CSMD3: variants seen among roughly 807,000 people sequenced by gnomAD.
CSMD3 encodes CUB and sushi domain-containing protein 3.
CSMD3 carries 177 observed loss-of-function variants against 435.2 expected under a neutral mutation model. The ratio of observed to expected loss-of-function variants is 0.41; its 90% confidence interval spans 0.36 to 0.46. The LOEUF is 0.46. CSMD3 is among the 20% of genes least tolerant of loss of function. The pLI is 0.34. For synonymous variants in CSMD3, 1,656 were observed against 1,520.5 expected (o/e 1.09, Z -2.07); for missense variants, 4,265 against 4,504.6 (o/e 0.95, Z 1.52).
intron 3 of CSMD3, among the ~76,000 whole-genome samples, chr8:113,200,494 C>A (rs2092705604): frequency 6.6e-6 from 1 of 151,698 alleles, no homozygotes; most frequent in South Asian, 2.1e-4. Flanking sequence ...CATCCATGTC[C>A]TAAAATGTCT....
At chr8:112,283,365 C>T (rs954671123) in intron 58 of CSMD3, among the ~76,000 whole-genome samples, 1 of 151,142 alleles carries the variant, frequency 6.6e-6, no homozygotes. Flanking sequence ...CATTTGTTTC[C>T]TTGTATCAAA....
chr8:113,201,669 C>A (rs1225550672), intron 3 of CSMD3, among the ~76,000 whole-genome samples: 1 of 151,906 alleles, frequency 6.6e-6, no homozygotes, highest in African/African-American at 2.4e-5. Flanking sequence ...GCTATTACTA[C>A]AACCAGAGCA....
At chr8:112,287,602 T>TA (rs1338537341) in intron 57 of CSMD3, among the ~76,000 whole-genome samples, 3 of 151,924 alleles carry the variant, frequency 2.0e-5, no homozygotes, top group Admixed American at 6.6e-5. Flanking sequence ...AACCAAAATT[T>TA]AAAAAAAACT....
chr8:112,593,791 A>C (rs924787470), intron 22 of CSMD3, among the ~76,000 whole-genome samples: 5 of 152,186 alleles, frequency 3.3e-5, no homozygotes, highest in African/African-American at 1.2e-4. Context: ...AGTTCAATTA[A>C]AATGAATACT....
At chr8:112,292,515 G>A in intron 55 of CSMD3, 22 bp downstream of exon 55, 1 of 1,609,906 alleles carries the variant, frequency 6.2e-7, no homozygotes, top group Non-Finnish European at 8.5e-7. Flanking sequence ...GCCACCAAAT[G>A]GGAATATACT....
At chr8:112,405,213 CCAT>C (rs1176939517) in intron 35 of CSMD3, among the ~76,000 whole-genome samples, 1,107 of 17,862 alleles carry the variant, frequency 0.062, 106 homozygotes, top group Non-Finnish European at 0.08. Flanking sequence ...AAAAAAACCC[CCAT>C]ATATATATAT....
At chr8:112,963,984 C>T (rs547457987) in intron 7 of CSMD3, among the ~76,000 whole-genome samples, 8 of 151,848 alleles carry the variant, frequency 5.3e-5, no homozygotes, top group African/African-American at 1.9e-4. Context: ...TTTTATATAA[C>T]CAGAGTATAT....
chr8:113,211,929 A>T (rs1300542137), intron 3 of CSMD3, among the ~76,000 whole-genome samples: 1 of 152,154 alleles, frequency 6.6e-6, no homozygotes, highest in Non-Finnish European at 1.5e-5. Context: ...TGTATGAAAA[A>T]AGAAGATTTA....
intron 5 of CSMD3, among the ~76,000 whole-genome samples, chr8:113,051,448 T>C (rs1165129829): frequency 6.6e-6 from 1 of 152,168 alleles, no homozygotes; most frequent in African/African-American, 2.4e-5. Flanking sequence ...AAACTACAGA[T>C]TTTTATGTTT....
intron 23 of CSMD3, among the ~76,000 whole-genome samples, chr8:112,586,131 C>A (rs2131348443): frequency 6.6e-6 from 1 of 151,484 alleles, no homozygotes; most frequent in African/African-American, 2.4e-5. Context: ...CATCAATTAC[C>A]ATGAAATAAT....
chr8:113,061,942 C>T (rs2088632973), intron 5 of CSMD3, among the ~76,000 whole-genome samples: 2 of 151,686 alleles, frequency 1.3e-5, no homozygotes, highest in Admixed American at 1.3e-4. Flanking sequence ...GTACATAATT[C>T]ATGATACATA....
chr8:112,777,444 G>A (rs1447745686), intron 13 of CSMD3, among the ~76,000 whole-genome samples: 1 of 151,696 alleles, frequency 6.6e-6, no homozygotes, highest in Non-Finnish European at 1.5e-5. Context: ...ATAAGTATTA[G>A]TTGTTGATGA....
intron 12 of CSMD3, 89 bp downstream of exon 12, chr8:112,829,596 TG>T: frequency 1.3e-6 from 1 of 757,254 alleles, no homozygotes; most frequent in Non-Finnish European, 2.4e-6. Flanking sequence ...CTGGTAGTAG[TG>T]GGAGCGATCA....
At chr8:112,605,899 TCTGTCAATC>T (rs1832755376) in intron 22 of CSMD3, among the ~76,000 whole-genome samples, 1 of 152,170 alleles carries the variant, frequency 6.6e-6, no homozygotes, top group South Asian at 2.1e-4. Context: ...TCTAGCATAA[TCTGTCAATC>T]CTGCCCTTCA....
At chr8:113,038,448 T>C (rs966433679) in intron 5 of CSMD3, among the ~76,000 whole-genome samples, 2 of 152,184 alleles carry the variant, frequency 1.3e-5, no homozygotes, top group African/African-American at 2.4e-5. Context: ...AGCTTTTTCA[T>C]GCTAGTGAGG....
chr8:113,430,078 A>T (rs2094661988), intron 1 of CSMD3, among the ~76,000 whole-genome samples: 1 of 152,144 alleles, frequency 6.6e-6, no homozygotes, highest in African/African-American at 2.4e-5. Flanking sequence ...TATAGCCAGC[A>T]CCAGAAGTGA....
chr8:113,066,211 T>G (rs897171118), intron 5 of CSMD3, among the ~76,000 whole-genome samples: 11 of 151,796 alleles, frequency 7.2e-5, no homozygotes, highest in Non-Finnish European at 1.5e-5. Context: ...ATTAGTAGGT[T>G]AATTATTAAT....
At chr8:112,829,844 A>G (rs975926285) in intron 11 of CSMD3, 55 bp from the exon 12 acceptor site, 2 of 947,094 alleles carry the variant, frequency 2.1e-6, no homozygotes, top group Non-Finnish European at 3.5e-6. Flanking sequence ...CAATAAAAAC[A>G]ACAAAAAAAG....
In CSMD3 at chr8:113,404,867, C is replaced by A. The variant is rs1445082006; in HGVS notation, c.178+31810G>T. 5.9e-5 allele frequency among the ~76,000 whole-genome samples: 9 copies of A among 151,472 alleles called. No homozygotes were observed. The East Asian group carries it at 1.7e-3, about 29-fold the overall frequency. ...TACTGCAGATTAAAAACCAAAGAAACAAAGTGACACTTGTTTCATCCCTTA... is the reference window on the plus strand; with the variant it reads ...TACTGCAGATTAAAAACCAAAGAAAAAAAGTGACACTTGTTTCATCCCTTA... On this transcript the variant is annotated intron_variant, in intron 1 of 70. Transcript: ENST00000297405.
Sources: allele counts gnomAD v4.1 joint callset (sites outside exome capture counted in the v4.1 genomes callset), GRCh38; gene constraint gnomAD v4.1.1; transcripts MANE v1.5; gene names NCBI Gene and HGNC (gene_info 2026-07-23, HGNC 2026-07-21).